The following BCL11A variants were observed in gnomAD, a reference collection of about 807,000 sequenced individuals.
BCL11A encodes the protein BCL11 transcription factor A, also known as B cell CLL/lymphoma 11A.
A neutral mutation model predicts 55.9 loss-of-function variants in BCL11A; 2 were observed. That is an observed-to-expected ratio of 0.04 (90% CI 0.01 to 0.11). BCL11A has a LOEUF of 0.11. Among genes scored for constraint, BCL11A ranks in the 10% least tolerant of loss-of-function variants. BCL11A has a pLI of 1.00. For synonymous variants in BCL11A, 465 were observed against 473.4 expected (o/e 0.98, Z 0.23); for missense variants, 817 against 1,137.1 (o/e 0.72, Z 4.05).
intron 2 of BCL11A, among the ~76,000 whole-genome samples, chr2:60,491,749 C>T (rs939616004): frequency 2.6e-5 from 4 of 151,760 alleles, no homozygotes; most frequent in South Asian, 2.1e-4. Flanking sequence ...TGACTGCCCA[C>T]GTCAAAACAC....
chr2:60,502,600 G>A (rs1364215856), intron 2 of BCL11A, among the ~76,000 whole-genome samples: 1 of 152,160 alleles, frequency 6.6e-6, no homozygotes, highest in African/African-American at 2.4e-5. Flanking sequence ...CCAATCCCAT[G>A]CTTTCTAATA....
chr2:60,550,723 A>C (rs1670374852), intron 1 of BCL11A: 3 of 397,574 alleles, frequency 7.5e-6, no homozygotes, highest in Non-Finnish European at 8.9e-6. Context: ...GAGTGTCCCA[A>C]GATGGACCCA....
intron 1 of BCL11A, among the ~76,000 whole-genome samples, chr2:60,551,524 C>T (rs903481346): frequency 6.6e-6 from 1 of 152,246 alleles, no homozygotes; most frequent in African/African-American, 2.4e-5. Flanking sequence ...GTGGTGACCT[C>T]CTCGCGGTCC....
chr2:60,467,066 G>A (rs576011954), intron 3 of BCL11A, among the ~76,000 whole-genome samples: 2 of 150,164 alleles, frequency 1.3e-5, no homozygotes, highest in Non-Finnish European at 3.0e-5. Context: ...GTAAATGGTG[G>A]TGGCAGTGGT....
Position 60,460,798 on chromosome 2 carries a change from T to TCCCCGG in BCL11A, c.2108_2113dup (p.Gly704_Glu705insAlaGly). 6.2e-7 allele frequency: 1 copy of TCCCCGG among 1,612,794 alleles called. No homozygotes were observed. The highest frequency in any genetic ancestry group is 8.5e-7 in the Non-Finnish European group (1 of 1,179,966). On this transcript the variant is annotated inframe_insertion, in exon 4 of 4. Coordinates refer to ENST00000642384, the MANE Select transcript of BCL11A (RefSeq NM_022893.4). ...GCGCCCCGAGATCCCTCCGTCCAGC[T>TCCCCGG]CCCCGGGCGGTGTGGAGAAGCGCAA... is the stretch of plus-strand genomic sequence containing the variant.
At chr2:60,513,476 T>G (rs1214037221) in intron 2 of BCL11A, among the ~76,000 whole-genome samples, 1 of 152,192 alleles carries the variant, frequency 6.6e-6, no homozygotes, top group African/African-American at 2.4e-5. Context: ...GGAACCCCTT[T>G]GGCAGGTGTG....
chr2:60,518,062 AG>A (rs1049453651), intron 2 of BCL11A, among the ~76,000 whole-genome samples: 2 of 152,190 alleles, frequency 1.3e-5, no homozygotes, highest in Non-Finnish European at 2.9e-5. Flanking sequence ...AAGGCCACAG[AG>A]GGAAGATTGC....
chr2:60,453,759 A>G (rs939821226), downstream of BCL11A, among the ~76,000 whole-genome samples: 21 of 152,128 alleles, frequency 1.4e-4, no homozygotes, highest in Non-Finnish European at 2.4e-4. Context: ...CAGCCCCCCT[A>G]TGGGTTTAGG....
At chr2:60,495,345 C>T (rs887581519) in intron 2 of BCL11A, among the ~76,000 whole-genome samples, 1 of 152,204 alleles carries the variant, frequency 6.6e-6, no homozygotes, top group African/African-American at 2.4e-5. Context: ...AGAGTAGATG[C>T]CATATCTCTT....
intron 2 of BCL11A, among the ~76,000 whole-genome samples, chr2:60,475,137 T>C (rs980205665): frequency 3.2e-4 from 49 of 152,348 alleles, no homozygotes; most frequent in African/African-American, 1.2e-3. Flanking sequence ...TGGGGCCCAA[T>C]AGGCGGTTAC....
chr2:60,484,876 T>C (rs916108435), intron 2 of BCL11A, among the ~76,000 whole-genome samples: 1 of 151,686 alleles, frequency 6.6e-6, no homozygotes, highest in Admixed American at 6.6e-5. Context: ...GGGGTGTGTG[T>C]TCATGACCAT....
At chr2:60,541,201 C>T (rs1466413257) in intron 2 of BCL11A, among the ~76,000 whole-genome samples, 1 of 146,518 alleles carries the variant, frequency 6.8e-6, no homozygotes, top group Non-Finnish European at 1.5e-5. Context: ...CTTCATATCA[C>T]GTGGACCTAT....
chr2:60,470,792 G>T (rs1677151904), intron 2 of BCL11A, among the ~76,000 whole-genome samples: 1 of 152,162 alleles, frequency 6.6e-6, no homozygotes, highest in Non-Finnish European at 1.5e-5. Context: ...TGGCAGCATA[G>T]TTTGTTTTTG....
At chr2:60,474,022 C>A (rs1677371502) in intron 2 of BCL11A, among the ~76,000 whole-genome samples, 3 of 152,136 alleles carry the variant, frequency 2.0e-5, no homozygotes, top group Non-Finnish European at 1.5e-5. Flanking sequence ...CTCTCATGGT[C>A]CTTAGATTCC....
At chr2:60,479,929 A>T (rs1677859207) in intron 2 of BCL11A, among the ~76,000 whole-genome samples, 1 of 152,160 alleles carries the variant, frequency 6.6e-6, no homozygotes, top group South Asian at 2.1e-4. Context: ...TATGGGGAGG[A>T]GGAAAGAAAT....
chr2:60,525,524 T>G (rs1274290895), intron 2 of BCL11A: 1 of 152,204 alleles, frequency 6.6e-6, no homozygotes, highest in Non-Finnish European at 1.5e-5. Context: ...TTCTGCTGTC[T>G]TTGCAGGTGA....
downstream of BCL11A, among the ~76,000 whole-genome samples, chr2:60,455,372 T>A (rs1399898107): frequency 1.3e-5 from 2 of 152,212 alleles, no homozygotes; most frequent in Non-Finnish European, 2.9e-5. Flanking sequence ...ATTTTAGAGT[T>A]CTGGATACAA....
intron 2 of BCL11A, among the ~76,000 whole-genome samples, chr2:60,503,750 G>T (rs536970649): frequency 6.6e-6 from 1 of 152,242 alleles, no homozygotes; most frequent in South Asian, 2.1e-4. Context: ...AATTTAACCC[G>T]CCTAGAAGAT....
chr2:60,461,561 C>G lies in BCL11A; in HGVS notation c.1351G>C (p.Gly451Arg), dbSNP rs17028351. The change falls in exon 4 of 4, where the codon GGC becomes CGC. Residue 451 changes from glycine to arginine, a missense_variant. This residue lies in a region of BCL11A where 379 missense variants were observed against 425.3 expected (regional missense o/e 0.89). Transcript: ENST00000642384. ...GCGCTGCCCACCAAGTCGCTGGTGC[C>G]GGGTTCCGGGGAGCTGGCGGTGGAG... ...GLSTASSPEP[G>R]TSDLVGSASS... 3.7e-6 allele frequency: 6 copies of G among 1,611,704 alleles called. No individual in the cohort carries two copies. The highest frequency in any genetic ancestry group is 5.1e-6 in the Non-Finnish European group (6 of 1,180,022).
Sources: allele counts gnomAD v4.1 joint callset (sites outside exome capture counted in the v4.1 genomes callset), GRCh38; gene constraint gnomAD v4.1.1; regional missense constraint gnomAD v4.1.1; transcripts MANE v1.5; gene names NCBI Gene and HGNC (gene_info 2026-07-23, HGNC 2026-07-21).